Variants in C1orf21 observed in about 807,000 individuals in gnomAD.
The protein encoded by C1orf21 is uncharacterized protein C1orf21.
In C1orf21, 3 loss-of-function variants were observed where a neutral mutation model predicts 18.7. The observed-to-expected ratio is 0.16, with a 90% CI of 0.07 to 0.42. The LOEUF (loss-of-function observed/expected upper bound fraction) is 0.42. Among genes scored for constraint, C1orf21 ranks in the 10% least tolerant of loss-of-function variants. The pLI, the probability that C1orf21 is intolerant of heterozygous loss-of-function variation, is 0.99. For synonymous variants in C1orf21, 41 were observed against 46.4 expected, an observed-to-expected ratio of 0.88 and a Z score of 0.47; for missense variants, 104 against 143.6, an observed-to-expected ratio of 0.72 and a Z score of 1.41.
chr1:184,399,347 T>C (rs1016224984), intron 1 of C1orf21, among the ~76,000 whole-genome samples: 1 of 146,680 alleles, frequency 6.8e-6, no homozygotes, highest in African/African-American at 2.5e-5. Context: ...GGAAGTGTTA[T>C]GTACTTCTAT....
intron 3 of C1orf21, among the ~76,000 whole-genome samples, chr1:184,588,919 C>T (rs190615731): frequency 6.6e-5 from 10 of 152,238 alleles, no homozygotes; most frequent in Non-Finnish European, 8.8e-5. Context: ...TACTGAGGGC[C>T]GGCTTCTTCT....
At position 184,447,822 on chromosome 1, in the gene C1orf21, CA is replaced by C. The variant is rs552559784; in HGVS notation, c.-124-29557del. Among the ~76,000 whole-genome samples, 9 of 152,172 alleles carry C rather than the reference CA, an allele frequency of 5.9e-5. 1 individual carries two copies. In the South Asian group the frequency reaches 1.9e-3, roughly 32 times the overall value. ...CTGTTTGAAGGAATGATGTCACTAA[CA>C]AAAAAATCTGGTCATTTCACATTTC... On this transcript the variant is annotated intron_variant, in intron 1 of 5. Transcript: ENST00000235307.
At chr1:184,562,453 G>A (rs1658981079) in intron 3 of C1orf21, among the ~76,000 whole-genome samples, 1 of 152,192 alleles carries the variant, frequency 6.6e-6, no homozygotes, top group Non-Finnish European at 1.5e-5. Flanking sequence ...GTCAACAAGT[G>A]TTCACTGAGT....
At chr1:184,400,617 A>T (rs1175488193) in intron 1 of C1orf21, among the ~76,000 whole-genome samples, 2 of 152,146 alleles carry the variant, frequency 1.3e-5, no homozygotes, top group Non-Finnish European at 2.9e-5. Flanking sequence ...GATATACCAT[A>T]ATTATTCATT....
chr1:184,530,437 A>G (rs977369594), intron 3 of C1orf21, among the ~76,000 whole-genome samples: 1 of 151,820 alleles, frequency 6.6e-6, no homozygotes, highest in Non-Finnish European at 1.5e-5. Flanking sequence ...TGATGAAGGC[A>G]ATGATGATGA....
At chr1:184,491,047 T>C (rs1403496398) in intron 2 of C1orf21, among the ~76,000 whole-genome samples, 1 of 152,184 alleles carries the variant, frequency 6.6e-6, no homozygotes, top group Non-Finnish European at 1.5e-5. Context: ...TCCTCATTTG[T>C]AAAATTGGAA....
chr1:184,486,267 G>A (rs1034976269), intron 2 of C1orf21, among the ~76,000 whole-genome samples: 13 of 152,180 alleles, frequency 8.5e-5, no homozygotes, highest in Admixed American at 3.3e-4. Context: ...TGAAACATGC[G>A]TGTATGTGAG....
At chr1:184,534,446 A>G (rs1571402458) in intron 3 of C1orf21, among the ~76,000 whole-genome samples, 4 of 152,298 alleles carry the variant, frequency 2.6e-5, no homozygotes, top group South Asian at 4.1e-4. Context: ...AAAGACATCA[A>G]TTGCCTCTCA....
At chr1:184,567,503 G>T (rs534483868) in intron 3 of C1orf21, 33 of 536,302 alleles carry the variant, frequency 6.2e-5, no homozygotes, top group Admixed American at 3.7e-4. Flanking sequence ...GAAGCTGAGT[G>T]CAGTGAACTC....
At chr1:184,514,959 G>A (rs1159650255) in intron 3 of C1orf21, among the ~76,000 whole-genome samples, 3 of 152,192 alleles carry the variant, frequency 2.0e-5, no homozygotes, top group Non-Finnish European at 4.4e-5. Context: ...AAACTGGGTG[G>A]ATGTATCCCA....
chr1:184,505,635 C>T lies in C1orf21; in HGVS notation c.95-1953C>T, dbSNP rs149386085. 5.7e-4 allele frequency among the ~76,000 whole-genome samples: 86 copies of T among 151,734 alleles called. 1 individual carries two copies. The East Asian group carries it at 0.015, about 26-fold the overall frequency. On this transcript the variant is annotated intron_variant, in intron 2 of 5. Transcript: ENST00000235307. ...AAAATTAGCCAGGCATGGTAGCAGG[C>T]GCCTGTAATCCCAGCTAGTTAGGAG...
intron 2 of C1orf21, among the ~76,000 whole-genome samples, chr1:184,488,577 T>C (rs1209768852): frequency 1.3e-5 from 2 of 152,272 alleles, no homozygotes; most frequent in Non-Finnish European, 2.9e-5. Context: ...GAAGATATTC[T>C]GTTATTTGTG....
intron 3 of C1orf21, among the ~76,000 whole-genome samples, chr1:184,575,507 C>G (rs1339964435): frequency 1.3e-5 from 2 of 150,076 alleles, no homozygotes; most frequent in African/African-American, 4.9e-5. Flanking sequence ...TACAATTAAC[C>G]AGGACTAATC....
intron 3 of C1orf21, among the ~76,000 whole-genome samples, chr1:184,588,263 T>A (rs1448724609): frequency 6.6e-6 from 1 of 152,210 alleles, no homozygotes; most frequent in Non-Finnish European, 1.5e-5. Context: ...GTGATAAAAT[T>A]CAAACTTTAA....
At chr1:184,410,631 A>AATATATATATAT (rs1222384246) in intron 1 of C1orf21, among the ~76,000 whole-genome samples, 3 of 3,094 alleles carry the variant, frequency 9.7e-4, no homozygotes, top group Non-Finnish European at 1.5e-3. Context: ...ATATATATAT[A>AATATATATATAT]TATATATATA....
intron 2 of C1orf21, among the ~76,000 whole-genome samples, chr1:184,491,648 G>A (rs554207219): frequency 3.3e-5 from 5 of 152,150 alleles, no homozygotes; most frequent in African/African-American, 7.2e-5. Flanking sequence ...CACTGTGCCC[G>A]GCCCTTTTCC....
At chr1:184,439,194 G>C (rs1307576618) in intron 1 of C1orf21, among the ~76,000 whole-genome samples, 1 of 152,056 alleles carries the variant, frequency 6.6e-6, no homozygotes, top group Non-Finnish European at 1.5e-5. Context: ...CTAGGTGACA[G>C]AGCAAGACTC....
At chr1:184,450,046 G>A (rs970651785) in intron 1 of C1orf21, among the ~76,000 whole-genome samples, 5 of 152,152 alleles carry the variant, frequency 3.3e-5, no homozygotes, top group Non-Finnish European at 5.9e-5. Context: ...AGATTGGGGC[G>A]TGTGGTGTCT....
intron 5 of C1orf21, among the ~76,000 whole-genome samples, chr1:184,611,048 A>T (rs956210477): frequency 5.9e-5 from 9 of 152,122 alleles, no homozygotes; most frequent in African/African-American, 1.2e-4. Flanking sequence ...GGTCAAAGAA[A>T]CAGTCAGAGG....
Sources: allele counts gnomAD v4.1 joint callset (sites outside exome capture counted in the v4.1 genomes callset), GRCh38; gene constraint gnomAD v4.1.1; transcripts MANE v1.5; gene names NCBI Gene and HGNC (gene_info 2026-07-23, HGNC 2026-07-21).